TEX26: variants seen among roughly 807,000 people sequenced by gnomAD.
TEX26 encodes testis-expressed protein 26.
A neutral mutation model predicts 35.3 loss-of-function variants in TEX26; 34 were observed. That is an observed-to-expected ratio of 0.96 (90% CI 0.73 to 1.28). The LOEUF is 1.28. Among genes scored for constraint, TEX26 ranks in the 50% most tolerant of loss-of-function variants. TEX26 has a pLI of 0.00. For synonymous variants in TEX26, 136 were observed against 111.8 expected (o/e 1.22, Z -1.36); for missense variants, 371 against 330.1 (o/e 1.12, Z -0.96).
At chr13:30,948,198 A>G (rs1028422281) in intron 2 of TEX26, among the ~76,000 whole-genome samples, 2 of 152,212 alleles carry the variant, frequency 1.3e-5, no homozygotes, top group African/African-American at 4.8e-5. Flanking sequence ...CGCAATAAAC[A>G]TACGTGTGCA....
intron 2 of TEX26, among the ~76,000 whole-genome samples, chr13:30,951,325 C>T (rs996412165): frequency 3.3e-5 from 5 of 150,158 alleles, no homozygotes; most frequent in Admixed American, 2.7e-4. Flanking sequence ...CACTGCACTC[C>T]AGCCTAGGCA....
At chr13:30,940,575 C>A (rs368796914) in intron 2 of TEX26, among the ~76,000 whole-genome samples, 2 of 151,920 alleles carry the variant, frequency 1.3e-5, no homozygotes, top group African/African-American at 4.8e-5. Flanking sequence ...CCTTGTGATC[C>A]GCCCGCCTCG....
At chr13:30,948,725 G>A (rs1953810194) in intron 2 of TEX26, among the ~76,000 whole-genome samples, 1 of 152,052 alleles carries the variant, frequency 6.6e-6, no homozygotes, top group African/African-American at 2.4e-5. Flanking sequence ...CTTTTGCTGT[G>A]CAGAAGCTCT....
chr13:30,950,761 G>C (rs1365789969), intron 2 of TEX26, among the ~76,000 whole-genome samples: 1 of 152,172 alleles, frequency 6.6e-6, no homozygotes, highest in African/African-American at 2.4e-5. Flanking sequence ...GCCCAGACAA[G>C]TGGTTCCAAG....
intron 1 of TEX26, among the ~76,000 whole-genome samples, chr13:30,934,258 C>T (rs1953182573): frequency 6.6e-6 from 1 of 152,210 alleles, no homozygotes; most frequent in Non-Finnish European, 1.5e-5. Flanking sequence ...CAGGCTTGGG[C>T]CTCTAATGGC....
intron 3 of TEX26, among the ~76,000 whole-genome samples, chr13:30,953,218 C>T (rs1020872959): frequency 1.3e-5 from 2 of 152,172 alleles, no homozygotes; most frequent in Admixed American, 1.3e-4. Flanking sequence ...CCACTCCCCA[C>T]CGTCTGCTTT....
At chr13:30,959,271 T>A (rs1954250943) in intron 4 of TEX26, among the ~76,000 whole-genome samples, 2 of 152,166 alleles carry the variant, frequency 1.3e-5, no homozygotes, top group South Asian at 4.1e-4. Flanking sequence ...CCCCGCCCCA[T>A]CCCTACTCTT....
chr13:30,948,167 C>G (rs1953786020), intron 2 of TEX26, among the ~76,000 whole-genome samples: 1 of 152,092 alleles, frequency 6.6e-6, no homozygotes, highest in Non-Finnish European at 1.5e-5. Context: ...GGTTCCTAGT[C>G]TTTGCTATTG....
chr13:30,961,558 A>G (rs562592078), intron 4 of TEX26, among the ~76,000 whole-genome samples: 1 of 152,234 alleles, frequency 6.6e-6, no homozygotes, highest in Admixed American at 6.5e-5. Context: ...ATGTGTTAAC[A>G]TTTCTAATCT....
intron 1 of TEX26, among the ~76,000 whole-genome samples, chr13:30,935,415 G>A (rs747237062): frequency 6.6e-6 from 1 of 152,252 alleles, no homozygotes; most frequent in Admixed American, 6.5e-5. Context: ...CAATCAGCAT[G>A]CACTTCCTTC....
At chr13:30,965,435 A>G (rs1438698933) in intron 4 of TEX26, among the ~76,000 whole-genome samples, 1 of 152,188 alleles carries the variant, frequency 6.6e-6, no homozygotes, top group African/African-American at 2.4e-5. Context: ...CACTGTTTGG[A>G]CATTGCTCAT....
chr13:30,933,301 T>C (rs1953144579), intron 1 of TEX26: 1 of 152,502 alleles, frequency 6.6e-6, no homozygotes, highest in Admixed American at 6.5e-5. Flanking sequence ...CTGCCGCCTC[T>C]AACCTGAATT....
At chr13:30,965,403 G>C (rs923897974) in intron 4 of TEX26, among the ~76,000 whole-genome samples, 1 of 152,210 alleles carries the variant, frequency 6.6e-6, no homozygotes, top group South Asian at 2.1e-4. Flanking sequence ...AGAGAGTTGA[G>C]TTCAGTGTCA....
chr13:30,947,311 A>G (rs1375717894), intron 2 of TEX26, among the ~76,000 whole-genome samples: 1 of 152,074 alleles, frequency 6.6e-6, no homozygotes, highest in Non-Finnish European at 1.5e-5. Context: ...ACTCAGCATC[A>G]ATTTTTTCTG....
chr13:30,950,871 A>G (rs924475191), intron 2 of TEX26, among the ~76,000 whole-genome samples: 1 of 152,198 alleles, frequency 6.6e-6, no homozygotes, highest in African/African-American at 2.4e-5. Flanking sequence ...CCTCGAGACA[A>G]TGCACCATAG....
At chr13:30,968,155 G>A (rs1954601720) in intron 5 of TEX26, among the ~76,000 whole-genome samples, 1 of 152,192 alleles carries the variant, frequency 6.6e-6, no homozygotes. Context: ...ACATGCATGG[G>A]AGTCAAGCAA....
At chr13:30,940,592 C>G (rs1444820732) in intron 2 of TEX26, among the ~76,000 whole-genome samples, 1 of 152,088 alleles carries the variant, frequency 6.6e-6, no homozygotes, top group Non-Finnish European at 1.5e-5. Flanking sequence ...CTCGGCCTTC[C>G]CAAGTGTTGG....
intron 1 of TEX26, among the ~76,000 whole-genome samples, chr13:30,937,407 G>C (rs1953313370): frequency 6.6e-6 from 1 of 152,184 alleles, no homozygotes; most frequent in Admixed American, 6.6e-5. Context: ...AGAGTTGTTT[G>C]CCTTAGAAAA....
chr13:30,934,907 T>C (rs1203201963), intron 1 of TEX26, among the ~76,000 whole-genome samples: 1 of 152,220 alleles, frequency 6.6e-6, no homozygotes, highest in Non-Finnish European at 1.5e-5. Flanking sequence ...GCTGCAGACC[T>C]GGGCCTTTCA....
Sources: allele counts gnomAD v4.1 joint callset (sites outside exome capture counted in the v4.1 genomes callset), GRCh38; gene constraint gnomAD v4.1.1; transcripts MANE v1.5; gene names NCBI Gene and HGNC (gene_info 2026-07-23, HGNC 2026-07-21).